SV2C: variants seen among roughly 807,000 people sequenced by gnomAD.
SV2C encodes the protein solute carrier family 22 member B3.
SV2C carries 49 observed loss-of-function variants against 79.7 expected under a neutral mutation model. The observed-to-expected ratio is 0.61, with a 90% CI of 0.49 to 0.78. SV2C has a LOEUF of 0.78. Among genes scored for constraint, SV2C ranks in the 30% least tolerant of loss-of-function variants. The pLI is 0.00. For synonymous variants in SV2C, 334 were observed against 333.2 expected, an observed-to-expected ratio of 1.00 and a Z score of -0.03; for missense variants, 833 against 912.9, an observed-to-expected ratio of 0.91 and a Z score of 1.13.
At chr5:76,062,898 T>G in the SV2C span, among the ~76,000 whole-genome samples, 6 of 152,260 alleles carry the variant, frequency 3.9e-5, no homozygotes, top group African/African-American at 1.4e-4. Context: ...TCTTTTGAAT[T>G]GCATTGATTT....
chr5:76,341,260 A>G (rs1749436128), intron 12 of SV2C, among the ~76,000 whole-genome samples: 1 of 152,146 alleles, frequency 6.6e-6, no homozygotes, highest in Non-Finnish European at 1.5e-5. Context: ...ATGACCAGCC[A>G]CACATGGTGG....
intron 1 of SV2C, among the ~76,000 whole-genome samples, chr5:76,123,554 G>T (rs2112167601): frequency 6.6e-6 from 1 of 152,254 alleles, no homozygotes; most frequent in African/African-American, 2.4e-5. Context: ...TCATCCCTGG[G>T]ATACAAGCCT....
intron 3 of SV2C, among the ~76,000 whole-genome samples, chr5:76,199,684 C>G (rs1416042544): frequency 6.6e-6 from 1 of 152,218 alleles, no homozygotes; most frequent in African/African-American, 2.4e-5. Context: ...AAGCAGCAAC[C>G]AGCATAGTCT....
At chr5:76,170,152 T>G (rs139036493) in intron 2 of SV2C, among the ~76,000 whole-genome samples, 1,964 of 150,944 alleles carry the variant, frequency 0.013, 44 homozygotes, top group African/African-American at 0.045. Flanking sequence ...TCAAAGTAGT[T>G]GTAACATTAG....
At chr5:76,014,492 T>C in the SV2C span, among the ~76,000 whole-genome samples, 1 of 152,210 alleles carries the variant, frequency 6.6e-6, no homozygotes, top group Non-Finnish European at 1.5e-5. Context: ...AAATTTCAGA[T>C]CTCTGTGAAA....
At chr5:75,897,996 C>A in the SV2C span, among the ~76,000 whole-genome samples, 13 of 151,688 alleles carry the variant, frequency 8.6e-5, no homozygotes, top group African/African-American at 2.9e-4. Context: ...TCTTGATATA[C>A]AATCATATCG....
the SV2C span, among the ~76,000 whole-genome samples, chr5:75,904,305 G>A: frequency 1.3e-5 from 2 of 151,864 alleles, no homozygotes; most frequent in African/African-American, 4.8e-5. Flanking sequence ...CTGAATGGGG[G>A]CTCTTAAGAT....
chr5:76,070,047 A>T, the SV2C span, among the ~76,000 whole-genome samples: 6 of 152,180 alleles, frequency 3.9e-5, no homozygotes, highest in South Asian at 6.2e-4. Flanking sequence ...CTCTCAGGTC[A>T]TCTTCCACAG....
At chr5:76,181,417 A>C (rs1339933548) in intron 2 of SV2C, among the ~76,000 whole-genome samples, 1 of 152,188 alleles carries the variant, frequency 6.6e-6, no homozygotes, top group Non-Finnish European at 1.5e-5. Flanking sequence ...GCTTTCTATT[A>C]GTCTGTTTTC....
chr5:76,063,551 G>T, the SV2C span, among the ~76,000 whole-genome samples: 2 of 152,116 alleles, frequency 1.3e-5, no homozygotes, highest in Non-Finnish European at 2.9e-5. Flanking sequence ...ATCTTCACTT[G>T]AGCAGCCCAT....
intron 4 of SV2C, among the ~76,000 whole-genome samples, chr5:76,249,979 T>C (rs1746064215): frequency 6.6e-6 from 1 of 152,252 alleles, no homozygotes; most frequent in Non-Finnish European, 1.5e-5. Flanking sequence ...CGTTTTATTC[T>C]GAACGTTTGC....
At chr5:76,310,633 T>C (rs1014666870) in intron 12 of SV2C, among the ~76,000 whole-genome samples, 1 of 151,952 alleles carries the variant, frequency 6.6e-6, no homozygotes, top group African/African-American at 2.4e-5. Context: ...TGGCAAGAGG[T>C]AATGGTGCCA....
At chr5:75,871,834 T>TACACACACAC in the SV2C span, among the ~76,000 whole-genome samples, 1 of 118,856 alleles carries the variant, frequency 8.4e-6, no homozygotes, top group African/African-American at 3.3e-5. Context: ...TATATATATA[T>TACACACACAC]ACACACACAC....
upstream of SV2C, chr5:76,079,179 G>C (rs147089328): frequency 1.2e-5 from 4 of 341,282 alleles, no homozygotes; most frequent in Non-Finnish European, 2.4e-5. Context: ...ATGTTGATTC[G>C]GCAGAGTGAT....
At chr5:76,186,529 T>C (rs1743923147) in intron 2 of SV2C, among the ~76,000 whole-genome samples, 1 of 151,926 alleles carries the variant, frequency 6.6e-6, no homozygotes, top group African/African-American at 2.4e-5. Flanking sequence ...CCATCTCTAC[T>C]AAAAATACAA....
At chr5:75,957,684 T>C in the SV2C span, among the ~76,000 whole-genome samples, 1 of 152,048 alleles carries the variant, frequency 6.6e-6, no homozygotes, top group African/African-American at 2.4e-5. Flanking sequence ...AAGTTGCATA[T>C]GGCAAGTACA....
At chr5:76,042,846 A>G in the SV2C span, among the ~76,000 whole-genome samples, 1 of 152,156 alleles carries the variant, frequency 6.6e-6, no homozygotes, top group Non-Finnish European at 1.5e-5. Context: ...CAGGTGATAG[A>G]GTATGTTTCT....
chr5:76,321,893 C>T (rs1275043067), intron 12 of SV2C, among the ~76,000 whole-genome samples: 3 of 152,012 alleles, frequency 2.0e-5, no homozygotes, highest in Non-Finnish European at 4.4e-5. Flanking sequence ...AGAGAGGGAA[C>T]AAGATCTTCC....
chr5:75,992,751 TAAAC>T, the SV2C span, among the ~76,000 whole-genome samples: 41,906 of 151,612 alleles, frequency 0.28, 6,338 homozygotes, highest in East Asian at 0.66. Flanking sequence ...GTGCAGAAAA[TAAAC>T]AAGAAGTGAT....
Sources: allele counts gnomAD v4.1 joint callset (sites outside exome capture counted in the v4.1 genomes callset), GRCh38; gene constraint gnomAD v4.1.1; transcripts MANE v1.5; gene names NCBI Gene and HGNC (gene_info 2026-07-23, HGNC 2026-07-21).